The following ZNF813 variants were observed in gnomAD, a reference collection of about 807,000 sequenced individuals.
ZNF813 encodes zinc finger protein 813.
Under a neutral mutation model 7.2 loss-of-function variants are expected in ZNF813, and 3 were observed. The observed-to-expected ratio is 0.42, with a 90% CI of 0.19 to 1.08. The LOEUF is 1.08. ZNF813 is among the 50% of genes least tolerant of loss of function. The pLI is 0.30. For missense variants in ZNF813, 714 were observed against 753.3 expected (o/e 0.95, Z 0.61); for synonymous variants, 227 against 256.3 (o/e 0.89, Z 1.09).
At chr19:53,487,117 A>G (rs1182147821) in intron 3 of ZNF813, among the ~76,000 whole-genome samples, 4 of 150,658 alleles carry the variant, frequency 2.7e-5, no homozygotes, top group Non-Finnish European at 4.4e-5. Context: ...ATAACTAATT[A>G]TTGGCTTTTA....
chr19:53,470,305 G>GTTC (rs1337404606), intron 1 of ZNF813, among the ~76,000 whole-genome samples: 1 of 152,146 alleles, frequency 6.6e-6, no homozygotes, highest in African/African-American at 2.4e-5. Context: ...AGGAAAACTT[G>GTTC]TTCTTCTCTT....
Position 53,492,440 on chromosome 19 carries a change from A to G in ZNF813, c.*354A>G. On this transcript the variant is annotated 3_prime_UTR_variant, in exon 4 of 4. Transcript: ENST00000396403. Reference sequence around the variant, plus strand: ...AACCTTGAAAGACATAAAATAAATCATACTGCAGAGAAACCATAAAATTGT... The same window carrying G: ...AACCTTGAAAGACATAAAATAAATCGTACTGCAGAGAAACCATAAAATTGT... 2.4e-6 allele frequency: 1 copy of G among 421,350 alleles called. No individual in the cohort carries two copies. The highest frequency in any genetic ancestry group is 4.6e-6 in the Non-Finnish European group (1 of 218,874). 26.1% of individuals were successfully genotyped at this position (421,350 alleles called of 1,614,324 possible).
Position 53,477,757 on chromosome 19 carries a change from G to A in ZNF813, c.-73-5993G>A, listed in dbSNP as rs1568828695. Among the ~76,000 whole-genome samples, 3 of 152,236 alleles carry A rather than the reference G, an allele frequency of 2.0e-5. No individual in the cohort carries two copies. The East Asian group carries it at 5.8e-4, about 29-fold the overall frequency. ...GATCACTTGATCCCAGGAGGTCCAG[G>A]CTGCAGTGAGCCGAGATCATGCCAC... On this transcript the variant is annotated intron_variant, in intron 1 of 3. Coordinates refer to ENST00000396403, the MANE Select transcript of ZNF813 (RefSeq NM_001004301.4).
Position 53,491,562 on chromosome 19 carries a change from T to C in ZNF813, c.1330T>C (p.Cys444Arg). The C allele has an allele frequency of 6.2e-7, 1 of 1,613,016 alleles. No homozygotes were observed. Among genetic ancestry groups the C allele is most frequent in the Non-Finnish European group, 8.5e-7 (1 of 1,179,578 alleles). Residue 444 changes from cysteine (C) to arginine (R), a missense_variant, in exon 4 of 4, where the codon TGT becomes CGT. By Grantham distance (180) the Cys-to-Arg change is radical. Transcript: ENST00000396403. ...AGAGAAACCCTACAAGTGTACTGAGTGTGTCAAGACGTTCAGTCGAAATTC... is the reference window on the plus strand; with the variant it reads ...AGAGAAACCCTACAAGTGTACTGAGCGTGTCAAGACGTTCAGTCGAAATTC... ...SGEKPYKCTE[C>R]VKTFSRNSAL...
At chr19:53,486,263 A>G (rs2086433307) in intron 2 of ZNF813, among the ~76,000 whole-genome samples, 1 of 152,202 alleles carries the variant, frequency 6.6e-6, no homozygotes, top group Admixed American at 6.5e-5. Flanking sequence ...TGAGGCCAAT[A>G]TTGTGAAAAC....
At chr19:53,480,873 G>A (rs1247534597) in intron 1 of ZNF813, among the ~76,000 whole-genome samples, 1 of 152,144 alleles carries the variant, frequency 6.6e-6, no homozygotes, top group Non-Finnish European at 1.5e-5. Context: ...TACGAACTCT[G>A]GCGGAGTCAA....
chr19:53,492,095 G>A lies in ZNF813; in HGVS notation c.*9G>A, dbSNP rs370052685. 12 of 1,605,060 alleles carry A rather than the reference G, an allele frequency of 7.5e-6. No individual in the cohort carries two copies. The highest frequency in any genetic ancestry group is 9.4e-6 in the Non-Finnish European group (11 of 1,175,440). On this transcript the variant is annotated 3_prime_UTR_variant, in exon 4 of 4. Coordinates refer to ENST00000396403, the MANE Select transcript of ZNF813 (RefSeq NM_001004301.4). ...GCAAAGCTTTTAATTGAAAAGCAAA[G>A]CTTGCACATCATCATACAATTCATA...
intron 1 of ZNF813, among the ~76,000 whole-genome samples, chr19:53,469,937 C>T (rs993144339): frequency 1.3e-5 from 2 of 151,198 alleles, no homozygotes; most frequent in Non-Finnish European, 3.0e-5. Context: ...CGCACCGGCT[C>T]AGTGGATTTA....
intron 1 of ZNF813, among the ~76,000 whole-genome samples, chr19:53,478,110 G>A (rs28587267): frequency 0.11 from 16,568 of 152,126 alleles, 1,024 homozygotes; most frequent in African/African-American, 0.16. Context: ...GGGGTAGGAA[G>A]TAGGGCAATG....
intron 1 of ZNF813, among the ~76,000 whole-genome samples, chr19:53,483,311 A>G (rs1282600581): frequency 6.6e-6 from 1 of 151,898 alleles, no homozygotes; most frequent in Non-Finnish European, 1.5e-5. Flanking sequence ...CTCCTAAGTA[A>G]CTGGGACCAC....
rs146869822 is a variant in ZNF813 at position 53,482,467 on chromosome 19, C to T, written c.-73-1283C>T. Among the ~76,000 whole-genome samples, 10 of 152,300 alleles carry T rather than the reference C, an allele frequency of 6.6e-5. No individual in the cohort carries two copies. In the East Asian group the frequency reaches 1.4e-3, roughly 21 times the overall value. ...CCCTCATCTTATGACTCCCTCTGCCCCAGTCACATTTGCTTTTCTCTTTTC... is the reference window on the plus strand; with the variant it reads ...CCCTCATCTTATGACTCCCTCTGCCTCAGTCACATTTGCTTTTCTCTTTTC... On this transcript the variant is annotated intron_variant, in intron 1 of 3. Transcript: ENST00000396403.
intron 1 of ZNF813, among the ~76,000 whole-genome samples, chr19:53,474,515 A>G (rs1179057727): frequency 6.6e-6 from 1 of 152,116 alleles, no homozygotes; most frequent in Non-Finnish European, 1.5e-5. Context: ...GGTGACGTCC[A>G]GTCTCTACTG....
At chr19:53,472,514 T>A (rs1227998195) in intron 1 of ZNF813, among the ~76,000 whole-genome samples, 1 of 152,140 alleles carries the variant, frequency 6.6e-6, no homozygotes, top group Admixed American at 6.6e-5. Context: ...TTTTAAACTA[T>A]TCACCAGGTG....
At chr19:53,487,113 A>T (rs2086438382) in intron 3 of ZNF813, among the ~76,000 whole-genome samples, 1 of 151,788 alleles carries the variant, frequency 6.6e-6, no homozygotes, top group East Asian at 1.9e-4. Context: ...CCCCATAACT[A>T]ATTATTGGCT....
chr19:53,489,435 C>T (rs997594819), intron 3 of ZNF813, among the ~76,000 whole-genome samples: 6 of 151,912 alleles, frequency 3.9e-5, no homozygotes, highest in African/African-American at 1.4e-4. Flanking sequence ...AACCCTCTAT[C>T]TACTAAAAAT....
intron 1 of ZNF813, among the ~76,000 whole-genome samples, chr19:53,474,682 C>CA (rs993230987): frequency 1.3e-5 from 2 of 150,286 alleles, no homozygotes; most frequent in African/African-American, 5.0e-5. Context: ...GAGCGAGACT[C>CA]AATCTCAAAA....
intron 2 of ZNF813, among the ~76,000 whole-genome samples, chr19:53,485,031 C>T (rs1416471794): frequency 1.3e-5 from 2 of 152,140 alleles, no homozygotes; most frequent in Admixed American, 6.6e-5. Context: ...ACTGGGGAGC[C>T]GCTACTGTCA....
chr19:53,476,619 A>C (rs1600109493), intron 1 of ZNF813, among the ~76,000 whole-genome samples: 1 of 133,754 alleles, frequency 7.5e-6, no homozygotes. Context: ...ACAGAGCAAG[A>C]CTCCATCTCA....
Position 53,491,311 on chromosome 19 carries a change from G to A in ZNF813, c.1079G>A (p.Cys360Tyr), listed in dbSNP as rs368236337. 2.5e-6 allele frequency: 4 copies of A among 1,614,054 alleles called. No homozygotes were observed. In the African/African-American group the frequency reaches 5.3e-5, roughly 22 times the overall value. ...GAGAAACCTTTCAAGTGTAATGAGT[G>A]TGGCAAGACCTTTAGTCGGAAGTCA... ...TGEKPFKCNECGKTFSRKSSL... is the reference protein window; with the variant it reads ...TGEKPFKCNEYGKTFSRKSSL... Residue 360 changes from cysteine (C) to tyrosine (Y), a missense_variant, in exon 4 of 4, where the codon TGT (cysteine) becomes TAT (tyrosine). Around this residue, in one of 3 missense-constraint regions of ZNF813, gnomAD observed 563 missense variants for 554.2 expected, o/e 1.02. Coordinates refer to ENST00000396403, the MANE Select transcript of ZNF813 (RefSeq NM_001004301.4).
Sources: gnomAD v4.1 joint callset for allele counts (sites outside exome capture counted in the v4.1 genomes callset) on GRCh38, gnomAD v4.1.1 for gene constraint, gnomAD v4.1.1 regional missense constraint, MANE v1.5 for transcripts, NCBI Gene and HGNC (gene_info 2026-07-23, HGNC 2026-07-21) for gene names.